The following RPS6KC1 variants were observed in gnomAD, a reference collection of about 807,000 sequenced individuals.
The protein encoded by RPS6KC1 is ribosomal protein S6 kinase C1.
In RPS6KC1, 54 loss-of-function variants were observed where a neutral mutation model predicts 103.8. The ratio of observed to expected loss-of-function variants is 0.52; its 90% CI spans 0.42 to 0.65. The LOEUF (loss-of-function observed/expected upper bound fraction) is 0.65. Ranked by LOEUF, RPS6KC1 falls within the 30% of genes least tolerant of loss-of-function variation. The pLI is 0.00. For synonymous variants in RPS6KC1, 439 were observed against 438.7 expected (o/e 1.00, Z -0.01); for missense variants, 1,151 against 1,253.8 (o/e 0.92, Z 1.24).
the RPS6KC1 span, among the ~76,000 whole-genome samples, chr1:213,745,433 A>C: frequency 1.1e-4 from 17 of 152,128 alleles, no homozygotes; most frequent in South Asian, 2.9e-3. Flanking sequence ...AAAAAAAAAA[A>C]AAAACACTTT....
the RPS6KC1 span, among the ~76,000 whole-genome samples, chr1:213,366,445 A>G: frequency 2.0e-5 from 3 of 152,252 alleles, no homozygotes; most frequent in African/African-American, 7.2e-5. Flanking sequence ...GGATCAGAGT[A>G]TGGCTGTTTA....
chr1:213,602,126 C>CTTTCTTTCTTTCTTTCTTTCTT, the RPS6KC1 span, among the ~76,000 whole-genome samples: 1 of 40,796 alleles, frequency 2.5e-5, no homozygotes, highest in Non-Finnish European at 4.5e-5. Flanking sequence ...CTTTCTCTTT[C>CTTTCTTTCTTTCTTTCTTTCTT]TTTCTTTCTT....
chr1:213,514,693 T>A, the RPS6KC1 span, among the ~76,000 whole-genome samples: 1 of 152,212 alleles, frequency 6.6e-6, no homozygotes, highest in South Asian at 2.1e-4. Context: ...TAAACATACG[T>A]GTGCATATGT....
the RPS6KC1 span, among the ~76,000 whole-genome samples, chr1:213,687,433 C>T: frequency 7.4e-6 from 1 of 134,794 alleles, no homozygotes; most frequent in Non-Finnish European, 1.7e-5. Flanking sequence ...ATGATGTCCA[C>T]ACCTACTTTT....
chr1:213,086,586 G>A (rs1161084306), intron 3 of RPS6KC1, among the ~76,000 whole-genome samples: 1 of 152,090 alleles, frequency 6.6e-6, no homozygotes, highest in Non-Finnish European at 1.5e-5. Flanking sequence ...TTAATTCTGG[G>A]TAAATAGTTA....
the RPS6KC1 span, among the ~76,000 whole-genome samples, chr1:213,725,468 T>C: frequency 6.6e-6 from 1 of 152,236 alleles, no homozygotes; most frequent in Non-Finnish European, 1.5e-5. Flanking sequence ...AGACATTTGC[T>C]TTCTCAAAGG....
chr1:213,319,919 A>G, the RPS6KC1 span, among the ~76,000 whole-genome samples: 3 of 152,238 alleles, frequency 2.0e-5, no homozygotes, highest in African/African-American at 7.2e-5. Context: ...GGGGCAGTGT[A>G]TAGCCAAAGG....
chr1:213,305,177 C>T, the RPS6KC1 span, among the ~76,000 whole-genome samples: 15 of 152,050 alleles, frequency 9.9e-5, no homozygotes, highest in South Asian at 4.2e-4. Context: ...CTCCGCCTCC[C>T]GGATTCCAGT....
the RPS6KC1 span, among the ~76,000 whole-genome samples, chr1:213,552,501 G>A: frequency 3.3e-5 from 5 of 152,142 alleles, no homozygotes; most frequent in East Asian, 1.9e-4. Context: ...TTTTCCATCC[G>A]TATATCTTCT....
intron 12 of RPS6KC1, among the ~76,000 whole-genome samples, chr1:213,243,177 A>AT (rs2094393908): frequency 1.3e-5 from 2 of 152,000 alleles, no homozygotes; most frequent in African/African-American, 2.4e-5. Flanking sequence ...TTTAAAAAGC[A>AT]TTTTTTGTAG....
the RPS6KC1 span, among the ~76,000 whole-genome samples, chr1:213,385,657 A>ATATTCC: frequency 1.6e-4 from 24 of 152,284 alleles, no homozygotes; most frequent in Non-Finnish European, 2.4e-4. Context: ...GACTTGGAGG[A>ATATTCC]TATTCCTCTT....
chr1:213,859,171 A>G, the RPS6KC1 span, among the ~76,000 whole-genome samples: 6 of 152,232 alleles, frequency 3.9e-5, no homozygotes, highest in African/African-American at 7.2e-5. Context: ...AGGTTAGGTT[A>G]AAGTTGTAAG....
intron 4 of RPS6KC1, among the ~76,000 whole-genome samples, chr1:213,112,439 G>T (rs138288776): frequency 2.6e-5 from 4 of 151,956 alleles, no homozygotes; most frequent in African/African-American, 7.2e-5. Context: ...GCCACATAGA[G>T]AAATCAATTT....
At chr1:213,827,180 C>T in the RPS6KC1 span, among the ~76,000 whole-genome samples, 2 of 152,152 alleles carry the variant, frequency 1.3e-5, no homozygotes, top group Non-Finnish European at 2.9e-5. Flanking sequence ...TAGACTCCCA[C>T]ATGTTATTGA....
chr1:213,499,717 A>G, the RPS6KC1 span, among the ~76,000 whole-genome samples: 21 of 151,586 alleles, frequency 1.4e-4, no homozygotes, highest in East Asian at 3.9e-3. Context: ...ACACAAACCT[A>G]GATGGTATAG....
At chr1:213,168,018 C>G (rs748641104) in intron 7 of RPS6KC1, 45 bp downstream of exon 7, 1 of 1,225,278 alleles carries the variant, frequency 8.2e-7, no homozygotes, top group Admixed American at 1.8e-5. Flanking sequence ...TGATTTTTTG[C>G]TGTCTGGTCT....
chr1:213,482,407 ATTAAAC>A, the RPS6KC1 span, among the ~76,000 whole-genome samples: 1 of 151,906 alleles, frequency 6.6e-6, no homozygotes, highest in Non-Finnish European at 1.5e-5. Context: ...TTTAAACTTA[ATTAAAC>A]TTATAACATT....
chr1:213,730,613 GTTGT>G, the RPS6KC1 span, among the ~76,000 whole-genome samples: 22 of 152,200 alleles, frequency 1.4e-4, no homozygotes, highest in South Asian at 4.6e-3. Context: ...TTTTACTGGG[GTTGT>G]TTGTTTTTTA....
chr1:213,699,576 C>G, the RPS6KC1 span, among the ~76,000 whole-genome samples: 2 of 152,190 alleles, frequency 1.3e-5, no homozygotes, highest in East Asian at 1.9e-4. Context: ...ATATACCCAG[C>G]AGTGGGATTG....
Sources: gnomAD v4.1 joint callset for allele counts (sites outside exome capture counted in the v4.1 genomes callset) on GRCh38, gnomAD v4.1.1 for gene constraint, MANE v1.5 for transcripts, NCBI Gene and HGNC (gene_info 2026-07-23, HGNC 2026-07-21) for gene names.